The following SLC30A8 variants were observed in gnomAD, a reference collection of about 807,000 sequenced individuals.
SLC30A8 encodes proton-coupled zinc antiporter SLC30A8.
SLC30A8 carries 27 observed loss-of-function variants against 36.9 expected under a neutral mutation model. That is an observed-to-expected ratio of 0.73 (90% CI 0.54 to 1.01). The LOEUF (loss-of-function observed/expected upper bound fraction) is 1.01, where lower values mean the gene tolerates loss of function less well. Ranked by LOEUF, SLC30A8 falls within the 50% of genes least tolerant of loss-of-function variation. The pLI, the probability that SLC30A8 is intolerant of heterozygous loss-of-function variation, is 0.00. For missense variants in SLC30A8, 439 were observed against 452.0 expected, an observed-to-expected ratio of 0.97 and a Z score of 0.26; for synonymous variants, 164 against 172.4, an observed-to-expected ratio of 0.95 and a Z score of 0.38.
intron 2 of SLC30A8, among the ~76,000 whole-genome samples, chr8:117,074,636 G>A (rs1178539885): frequency 1.3e-5 from 2 of 152,086 alleles, no homozygotes; most frequent in Admixed American, 6.6e-5. Context: ...TGATCTGCTC[G>A]ATATCTCCTT....
At position 117,036,425 on chromosome 8, in the gene SLC30A8, C is replaced by G. The variant is rs183975301; in HGVS notation, c.-265-2794C>G. The stretch of plus-strand genomic sequence containing the variant: ...ATTTTTATAGCAGAGCCCCAAACTC[C>G]TGGTACCAATTTCCTGTATTAGTCT... On this transcript the variant is annotated intron_variant, in intron 1 of 10. Transcript: ENST00000427715. Among the ~76,000 whole-genome samples, 6 of 152,266 alleles carry G rather than the reference C, an allele frequency of 3.9e-5. No homozygotes were observed. In the East Asian group the frequency reaches 1.2e-3, roughly 29 times the overall value.
intron 2 of SLC30A8, among the ~76,000 whole-genome samples, chr8:117,057,162 G>A (rs1817896774): frequency 6.6e-6 from 1 of 152,136 alleles, no homozygotes. Context: ...TTCTGATTCC[G>A]AGATGGCATC....
At chr8:117,048,279 G>A (rs1817613417) in intron 2 of SLC30A8, among the ~76,000 whole-genome samples, 1 of 152,120 alleles carries the variant, frequency 6.6e-6, no homozygotes, top group South Asian at 2.1e-4. Context: ...TGATCAGGCT[G>A]GAAAGAATTG....
chr8:117,019,332 C>A (rs576327076), intron 1 of SLC30A8, among the ~76,000 whole-genome samples: 11 of 152,220 alleles, frequency 7.2e-5, no homozygotes, highest in African/African-American at 2.7e-4. Context: ...GATGTTTACT[C>A]CTCGTGATCA....
chr8:117,098,084 T>TTTAAAA (rs1237526508), intron 2 of SLC30A8, among the ~76,000 whole-genome samples: 5 of 140,142 alleles, frequency 3.6e-5, no homozygotes, highest in Non-Finnish European at 7.6e-5. Flanking sequence ...TATAATTATA[T>TTTAAAA]ATATTATATA....
At chr8:117,044,865 A>G (rs1202663256) in intron 2 of SLC30A8, among the ~76,000 whole-genome samples, 1 of 152,234 alleles carries the variant, frequency 6.6e-6, no homozygotes, top group Non-Finnish European at 1.5e-5. Flanking sequence ...CCTGGCTTCA[A>G]ACGCAGGCTC....
At chr8:117,149,150 T>G (rs1822046067) in intron 2 of SLC30A8, among the ~76,000 whole-genome samples, 1 of 152,236 alleles carries the variant, frequency 6.6e-6, no homozygotes, top group Non-Finnish European at 1.5e-5. Flanking sequence ...GGTTAAGTGT[T>G]TTGTATTATG....
chr8:117,135,755 A>T (rs2130934118), intron 1 of SLC30A8, among the ~76,000 whole-genome samples: 1 of 152,010 alleles, frequency 6.6e-6, no homozygotes, highest in East Asian at 1.9e-4. Context: ...AGAAAAAGTT[A>T]AGACTTCAGC....
chr8:116,969,654 A>C (rs184059750), intron 1 of SLC30A8, among the ~76,000 whole-genome samples: 1 of 152,202 alleles, frequency 6.6e-6, no homozygotes, highest in Non-Finnish European at 1.5e-5. Flanking sequence ...GGTATAGACT[A>C]TCGCTCCTAG....
At chr8:117,018,522 A>ACC (rs1816593983) in intron 1 of SLC30A8, among the ~76,000 whole-genome samples, 1 of 152,120 alleles carries the variant, frequency 6.6e-6, no homozygotes, top group African/African-American at 2.4e-5. Context: ...TTTGGATAGC[A>ACC]CCACTGCCTT....
chr8:116,986,968 A>T (rs1175421403), intron 1 of SLC30A8, among the ~76,000 whole-genome samples: 1 of 152,148 alleles, frequency 6.6e-6, no homozygotes, highest in Admixed American at 6.6e-5. Context: ...ATAGTCCTTT[A>T]TAGGTCTATA....
At chr8:117,001,204 CTTTTT>C (rs34639384) in intron 1 of SLC30A8, among the ~76,000 whole-genome samples, 4 of 78,314 alleles carry the variant, frequency 5.1e-5, no homozygotes, top group Admixed American at 1.7e-4. Context: ...TTGCTAGGGG[CTTTTT>C]TTTTTTTTTT....
intron 1 of SLC30A8, among the ~76,000 whole-genome samples, chr8:117,002,107 C>G (rs1816029711): frequency 6.6e-6 from 1 of 152,134 alleles, no homozygotes. Context: ...CACATTGGTT[C>G]AGTGCATCAA....
chr8:117,095,031 A>G (rs1174791877), intron 2 of SLC30A8, among the ~76,000 whole-genome samples: 1 of 152,206 alleles, frequency 6.6e-6, no homozygotes, highest in Non-Finnish European at 1.5e-5. Flanking sequence ...GCGGGAGCAG[A>G]TATCTCTGAG....
chr8:116,980,488 G>A (rs1055326020), intron 1 of SLC30A8, among the ~76,000 whole-genome samples: 2 of 152,186 alleles, frequency 1.3e-5, no homozygotes, highest in African/African-American at 4.8e-5. Flanking sequence ...CCCTTGAAGT[G>A]AGGAGGCTGG....
chr8:117,013,353 G>A (rs1816406488), intron 1 of SLC30A8, among the ~76,000 whole-genome samples: 1 of 152,132 alleles, frequency 6.6e-6, no homozygotes, highest in Non-Finnish European at 1.5e-5. Context: ...ACATTTGAAA[G>A]AGTTGTAGAA....
At chr8:117,019,797 G>A (rs565787807) in intron 1 of SLC30A8, among the ~76,000 whole-genome samples, 3 of 152,306 alleles carry the variant, frequency 2.0e-5, no homozygotes, top group South Asian at 2.1e-4. Flanking sequence ...AAGGCATTGA[G>A]GAGCAGTGAT....
intron 2 of SLC30A8, among the ~76,000 whole-genome samples, chr8:117,044,878 G>T (rs1817499858): frequency 6.6e-6 from 1 of 152,228 alleles, no homozygotes; most frequent in East Asian, 1.9e-4. Context: ...GCAGGCTCCT[G>T]CTGCCATCTT....
chr8:117,051,065 A>G (rs1191679281), intron 2 of SLC30A8, among the ~76,000 whole-genome samples: 2 of 152,264 alleles, frequency 1.3e-5, no homozygotes, highest in Non-Finnish European at 2.9e-5. Flanking sequence ...AAGTGGTCAG[A>G]GTATAATCTA....
Sources: allele counts gnomAD v4.1 joint callset (sites outside exome capture counted in the v4.1 genomes callset), GRCh38; gene constraint gnomAD v4.1.1; transcripts MANE v1.5; gene names NCBI Gene and HGNC (gene_info 2026-07-23, HGNC 2026-07-21).